The following MYCBP2 variants were observed in gnomAD, a reference collection of about 807,000 sequenced individuals.
MYCBP2 encodes the protein E3 ubiquitin-protein ligase MYCBP2.
In MYCBP2, 120 loss-of-function variants were observed where a neutral mutation model predicts 525.3. The ratio of observed to expected loss-of-function variants is 0.23; its 90% CI spans 0.20 to 0.27. MYCBP2 has a LOEUF of 0.27. Among genes scored for constraint, MYCBP2 ranks in the 10% least tolerant of loss-of-function variants. The probability of loss-of-function intolerance (pLI) is 1.00; values close to 1 mark genes in which losing one functional copy is unlikely to be tolerated. For synonymous variants in MYCBP2, 1,894 were observed against 1,955.8 expected (o/e 0.97, Z 0.83); for missense variants, 4,149 against 5,657.1 (o/e 0.73, Z 8.55).
Position 77,079,208 on chromosome 13 carries a change from T to C in MYCBP2, c.11419-319A>G, listed in dbSNP as rs538300608. ...TTTCAACAAATCTGCTTGTCACTTA[T>C]GTCAGACTCTTGTTGCTATATTTTC... is the stretch of plus-strand genomic sequence containing the variant. On this transcript the variant is annotated intron_variant, in intron 65 of 82. Coordinates refer to ENST00000544440, the MANE Select transcript of MYCBP2 (RefSeq NM_015057.5). Among the ~76,000 whole-genome samples the C allele has an allele frequency of 3.6e-4, 55 of 152,294 alleles. 2 individuals carry two copies. In the East Asian group the frequency reaches 8.5e-3, roughly 23 times the overall value.
At chr13:77,069,855 G>A (rs560298511) in intron 69 of MYCBP2, among the ~76,000 whole-genome samples, 45 of 151,596 alleles carry the variant, frequency 3.0e-4, no homozygotes, top group Admixed American at 5.9e-4. Context: ...GCAACAGAGC[G>A]AGACTCCCTC....
At chr13:77,178,414 C>T (rs1397650492) in intron 34 of MYCBP2, among the ~76,000 whole-genome samples, 2 of 152,214 alleles carry the variant, frequency 1.3e-5, no homozygotes, top group Admixed American at 1.3e-4. Context: ...GTCCTCTCTC[C>T]TCTTACCTGT....
intron 2 of MYCBP2, 32 bp from the exon 3 acceptor site, chr13:77,288,408 C>T (rs768804277): frequency 2.6e-5 from 40 of 1,553,034 alleles, no homozygotes; most frequent in South Asian, 1.0e-4. Context: ...TTCCATTTCA[C>T]ACTCTTTTCT....
chr13:77,310,422 A>G (rs2080038004), intron 1 of MYCBP2, among the ~76,000 whole-genome samples: 1 of 152,170 alleles, frequency 6.6e-6, no homozygotes, highest in South Asian at 2.1e-4. Flanking sequence ...AAATAAAGTT[A>G]TATTGGAACA....
chr13:77,172,148 C>T (rs2059203797), intron 37 of MYCBP2, among the ~76,000 whole-genome samples: 1 of 152,052 alleles, frequency 6.6e-6, no homozygotes, highest in Non-Finnish European at 1.5e-5. Flanking sequence ...ATCCACCCAT[C>T]TTGGACTCCC....
intron 23 of MYCBP2, among the ~76,000 whole-genome samples, chr13:77,208,659 A>G (rs1284279274): frequency 3.9e-5 from 6 of 152,338 alleles, no homozygotes; most frequent in Middle Eastern, 3.4e-3. Context: ...CATGCATTTT[A>G]AAAGGTGTCA....
In MYCBP2 at chr13:77,267,903, C is replaced by A; in HGVS notation, c.1295G>T (p.Ser432Ile). The A allele has an allele frequency of 6.2e-7, 1 of 1,613,786 alleles. No individual in the cohort carries two copies. The highest frequency in any genetic ancestry group is 8.5e-7 in the Non-Finnish European group (1 of 1,179,840). The change falls in exon 8 of 83, where the codon AGC (serine) becomes ATC (isoleucine). Residue 432 changes from serine to isoleucine, a missense_variant. Ser to Ile is a moderately radical substitution (Grantham distance 142). This residue lies in a region of MYCBP2 where 262 missense variants were observed against 419.3 expected (regional missense o/e 0.62). Transcript: ENST00000544440. ...YLLYRDVNNH[S>I]MTAIRISPET... ...AGGGCTTATCCTTATGGCTGTCATG[C>A]TGTGGTTATTCACATCTCTATATAA... is the stretch of plus-strand genomic sequence containing the variant.
intron 5 of MYCBP2, among the ~76,000 whole-genome samples, chr13:77,271,215 G>A (rs1233647936): frequency 6.6e-6 from 1 of 151,954 alleles, no homozygotes; most frequent in Admixed American, 6.6e-5. Context: ...ATTTGTTTCT[G>A]CTAATTCTCA....
intron 2 of MYCBP2, among the ~76,000 whole-genome samples, chr13:77,296,202 T>C (rs978655169): frequency 6.6e-6 from 1 of 152,134 alleles, no homozygotes; most frequent in Non-Finnish European, 1.5e-5. Flanking sequence ...AGAGGATTGC[T>C]TGAGCCCACG....
At chr13:77,298,891 T>G (rs746286111) in intron 1 of MYCBP2, among the ~76,000 whole-genome samples, 2 of 152,210 alleles carry the variant, frequency 1.3e-5, no homozygotes, top group Admixed American at 6.5e-5. Flanking sequence ...GAGGGCATGA[T>G]GAATGTCTAT....
At chr13:77,179,962 G>GAGAAAGT (rs1256759038) in intron 34 of MYCBP2, among the ~76,000 whole-genome samples, 165 bp downstream of exon 34, 2 of 152,134 alleles carry the variant, frequency 1.3e-5, no homozygotes, top group African/African-American at 4.8e-5. Context: ...TAACAAATCA[G>GAGAAAGT]AGAAAGTAGG....
At chr13:77,086,910 T>C (rs556438683) in intron 62 of MYCBP2, among the ~76,000 whole-genome samples, 147 of 152,154 alleles carry the variant, frequency 9.7e-4, no homozygotes, top group Non-Finnish European at 1.9e-3. Context: ...ATTCATCACT[T>C]CATATTTCTT....
chr13:77,211,701 C>G (rs2154281843), intron 22 of MYCBP2, among the ~76,000 whole-genome samples: 1 of 152,218 alleles, frequency 6.6e-6, no homozygotes, highest in South Asian at 2.1e-4. Flanking sequence ...TGGATTTTAT[C>G]CTACTAGAAT....
At chr13:77,264,585 T>C (rs1221321424) in intron 8 of MYCBP2, among the ~76,000 whole-genome samples, 1 of 152,142 alleles carries the variant, frequency 6.6e-6, no homozygotes, top group Non-Finnish European at 1.5e-5. Flanking sequence ...AGCAGACAAA[T>C]ATATGCTTAT....
chr13:77,295,644 A>G (rs540702171), intron 2 of MYCBP2, among the ~76,000 whole-genome samples: 1 of 152,238 alleles, frequency 6.6e-6, no homozygotes, highest in Non-Finnish European at 1.5e-5. Flanking sequence ...TCTTTAACTC[A>G]AAGTGAAGCT....
chr13:77,277,786 T>A (rs553997237), intron 4 of MYCBP2, among the ~76,000 whole-genome samples: 4 of 152,154 alleles, frequency 2.6e-5, no homozygotes, highest in Non-Finnish European at 5.9e-5. Flanking sequence ...GAGAACCACA[T>A]AATGAGAACC....
At chr13:77,212,198 T>C (rs1593957052) in intron 21 of MYCBP2, 38 bp from the exon 22 acceptor site, 2 of 1,559,204 alleles carry the variant, frequency 1.3e-6, no homozygotes, top group East Asian at 4.5e-5. Flanking sequence ...AATATTGCTG[T>C]GTAAACAATC....
At chr13:77,054,598 A>C (rs1049274290) in intron 80 of MYCBP2, among the ~76,000 whole-genome samples, 2 of 151,726 alleles carry the variant, frequency 1.3e-5, no homozygotes, top group Middle Eastern at 3.4e-3. Context: ...AGAGATTGGT[A>C]AAGTCTTTTT....
intron 36 of MYCBP2, among the ~76,000 whole-genome samples, chr13:77,175,992 GAAACAAAACA>G (rs1335317866): frequency 7.0e-6 from 1 of 142,728 alleles, no homozygotes; most frequent in African/African-American, 2.5e-5. Flanking sequence ...AAAAAATAAA[GAAACAAAACA>G]AAACAAAACA....
Sources: allele counts gnomAD v4.1 joint callset (sites outside exome capture counted in the v4.1 genomes callset), GRCh38; gene constraint gnomAD v4.1.1; regional missense constraint gnomAD v4.1.1; transcripts MANE v1.5; gene names NCBI Gene and HGNC (gene_info 2026-07-23, HGNC 2026-07-21).